SLC35F1: variants seen among roughly 807,000 people sequenced by gnomAD.
SLC35F1 encodes the protein solute carrier family 35 member F1.
Under a neutral mutation model 48.7 loss-of-function variants are expected in SLC35F1, and 14 were observed. That is an observed-to-expected ratio of 0.29 (90% CI 0.19 to 0.45). The LOEUF is 0.45. Ranked by LOEUF, SLC35F1 falls within the 20% of genes least tolerant of loss-of-function variation. The pLI, the probability that SLC35F1 is intolerant of heterozygous loss-of-function variation, is 1.00. For missense variants in SLC35F1, 404 were observed against 500.0 expected, an observed-to-expected ratio of 0.81 and a Z score of 1.83; for synonymous variants, 190 against 202.2, an observed-to-expected ratio of 0.94 and a Z score of 0.51.
chr6:118,050,903 T>C (rs1040927526), intron 1 of SLC35F1, among the ~76,000 whole-genome samples: 1 of 152,120 alleles, frequency 6.6e-6, no homozygotes, highest in Admixed American at 6.6e-5. Flanking sequence ...AGGGGGCTCC[T>C]GGTAGCTGTA....
intron 7 of SLC35F1, among the ~76,000 whole-genome samples, chr6:118,300,313 C>T (rs1466133383): frequency 1.3e-5 from 2 of 152,284 alleles, no homozygotes; most frequent in East Asian, 3.9e-4. Flanking sequence ...GCAAATACTA[C>T]ACCATGTTAT....
intron 1 of SLC35F1, among the ~76,000 whole-genome samples, chr6:118,092,356 G>C (rs1044624020): frequency 2.6e-5 from 4 of 152,154 alleles, no homozygotes; most frequent in African/African-American, 9.7e-5. Context: ...CTTAGGTTTG[G>C]CAACCTCCAC....
intron 1 of SLC35F1, among the ~76,000 whole-genome samples, chr6:118,078,373 T>A (rs1168599348): frequency 6.6e-6 from 1 of 152,184 alleles, no homozygotes; most frequent in African/African-American, 2.4e-5. Flanking sequence ...CTGTTTTGGT[T>A]GTTTAACATT....
At chr6:118,217,395 A>C (rs1472981676) in intron 2 of SLC35F1, among the ~76,000 whole-genome samples, 1 of 152,232 alleles carries the variant, frequency 6.6e-6, no homozygotes, top group Non-Finnish European at 1.5e-5. Flanking sequence ...CAAATAATAT[A>C]TGATTCCACT....
At chr6:118,305,015 C>T (rs1387033667) in intron 7 of SLC35F1, among the ~76,000 whole-genome samples, 1 of 43,228 alleles carries the variant, frequency 2.3e-5, no homozygotes, top group East Asian at 3.4e-4. Flanking sequence ...CACAGATTGT[C>T]ATTATATTAG....
intron 1 of SLC35F1, among the ~76,000 whole-genome samples, chr6:118,098,638 A>G (rs1329792275): frequency 1.3e-5 from 2 of 152,160 alleles, no homozygotes; most frequent in Middle Eastern, 3.4e-3. Context: ...TACACCTTGC[A>G]TGGCTTTCCA....
intron 2 of SLC35F1, among the ~76,000 whole-genome samples, chr6:118,157,271 G>A (rs926023769): frequency 1.3e-5 from 2 of 151,950 alleles, no homozygotes; most frequent in Non-Finnish European, 2.9e-5. Flanking sequence ...AGGAGGGAGC[G>A]GAGACCTTTT....
chr6:118,072,318 A>G (rs2114301925), intron 1 of SLC35F1, among the ~76,000 whole-genome samples: 1 of 152,264 alleles, frequency 6.6e-6, no homozygotes, highest in African/African-American at 2.4e-5. Context: ...TAATCCCAGC[A>G]CTTTGGGAGG....
intron 1 of SLC35F1, among the ~76,000 whole-genome samples, chr6:118,042,514 T>C (rs1422632301): frequency 6.6e-6 from 1 of 152,294 alleles, no homozygotes; most frequent in African/African-American, 2.4e-5. Context: ...GTTTGAGTAA[T>C]GGTGGAAGAT....
chr6:117,995,490 C>A (rs1225025423), intron 1 of SLC35F1, among the ~76,000 whole-genome samples: 12 of 152,098 alleles, frequency 7.9e-5, no homozygotes, highest in African/African-American at 2.9e-4. Flanking sequence ...GGCATGTAAT[C>A]CCAGCACTTT....
chr6:118,139,269 T>C (rs2516068), intron 1 of SLC35F1, among the ~76,000 whole-genome samples: 4,388 of 152,090 alleles, frequency 0.029, 218 homozygotes, highest in African/African-American at 0.1. Flanking sequence ...CCTGCCACCA[T>C]GCCCGGCTAA....
rs1441247927 is a variant in SLC35F1 at position 118,315,687 on chromosome 6, C to G, written c.*1435C>G. ...ATCTCCTGACCTCGTGATCCGCCCA[C>G]CTTGGCCTCCCGAAGTGCTGGGATT... On this transcript the variant is annotated 3_prime_UTR_variant, in exon 8 of 8. Transcript: ENST00000360388. 1.3e-5 allele frequency: 2 copies of G among 152,222 alleles called. No individual in the cohort carries two copies. The highest frequency in any genetic ancestry group is 2.4e-5 in the African/African-American group (1 of 41,414). 9.4% of individuals were successfully genotyped at this position (152,222 alleles called of 1,614,324 possible). A position where few individuals can be genotyped will look rare whatever the true frequency, so the allele number is the denominator to read the frequency against.
At chr6:118,161,624 C>G (rs903682889) in intron 2 of SLC35F1, among the ~76,000 whole-genome samples, 1 of 152,126 alleles carries the variant, frequency 6.6e-6, no homozygotes, top group African/African-American at 2.4e-5. Flanking sequence ...TATTTCTTGT[C>G]AGGTTGCATT....
chr6:118,292,743 T>C (rs1776140390), intron 7 of SLC35F1, among the ~76,000 whole-genome samples: 1 of 151,586 alleles, frequency 6.6e-6, no homozygotes, highest in South Asian at 2.1e-4. Context: ...TTCCCTCCCA[T>C]CATTCCGCTG....
intron 4 of SLC35F1, among the ~76,000 whole-genome samples, chr6:118,273,626 C>T (rs763117177): frequency 9.9e-5 from 15 of 152,158 alleles, no homozygotes; most frequent in Non-Finnish European, 1.8e-4. Flanking sequence ...ATAGTTGACA[C>T]ATAAAAAAGA....
At chr6:118,150,193 T>C (rs964203968) in intron 1 of SLC35F1, among the ~76,000 whole-genome samples, 4 of 152,170 alleles carry the variant, frequency 2.6e-5, no homozygotes, top group Non-Finnish European at 4.4e-5. Flanking sequence ...TAAGATAGTA[T>C]GTGTAAGTCT....
intron 1 of SLC35F1, among the ~76,000 whole-genome samples, chr6:118,129,338 G>A (rs1274211092): frequency 1.3e-5 from 2 of 152,166 alleles, no homozygotes; most frequent in African/African-American, 4.8e-5. Flanking sequence ...GAAGAAGCAG[G>A]CATAAAGATC....
At chr6:118,154,379 T>G in intron 1 of SLC35F1, 66 bp from the exon 2 acceptor site, 1 of 1,464,084 alleles carries the variant, frequency 6.8e-7, no homozygotes, top group African/African-American at 1.4e-5. Context: ...CAAAAAGTTT[T>G]AATTGCTATT....
At chr6:118,156,951 A>G (rs551389043) in intron 2 of SLC35F1, among the ~76,000 whole-genome samples, 24 of 152,332 alleles carry the variant, frequency 1.6e-4, no homozygotes, top group Non-Finnish European at 1.5e-5. Context: ...TTATAGGTAG[A>G]GGCTAAAAAA....
Sources: gnomAD v4.1 joint callset for allele counts (sites outside exome capture counted in the v4.1 genomes callset) on GRCh38, gnomAD v4.1.1 for gene constraint, MANE v1.5 for transcripts, NCBI Gene and HGNC (gene_info 2026-07-23, HGNC 2026-07-21) for gene names.